Variants in GPC6 observed in about 807,000 individuals in gnomAD.
GPC6 encodes glypican-6.
In GPC6, 14 loss-of-function variants were observed where a neutral mutation model predicts 55.2. The ratio of observed to expected loss-of-function variants is 0.25; its 90% confidence interval spans 0.17 to 0.40. The LOEUF is 0.40. Ranked by LOEUF, GPC6 falls within the 10% of genes least tolerant of loss-of-function variation. The pLI, the probability that GPC6 is intolerant of heterozygous loss-of-function variation, is 1.00. For missense variants in GPC6, 641 were observed against 708.5 expected, an observed-to-expected ratio of 0.90 and a Z score of 1.08; for synonymous variants, 278 against 259.6, an observed-to-expected ratio of 1.07 and a Z score of -0.68.
At chr13:93,544,435 G>T (rs1305764959) in intron 1 of GPC6, among the ~76,000 whole-genome samples, 2 of 152,112 alleles carry the variant, frequency 1.3e-5, no homozygotes, top group Non-Finnish European at 2.9e-5. Context: ...GCAAGACATT[G>T]GGTGGATTTC....
intron 2 of GPC6, among the ~76,000 whole-genome samples, chr13:93,658,586 T>A (rs536167510): frequency 3.9e-4 from 59 of 151,898 alleles, no homozygotes; most frequent in South Asian, 2.3e-3. Context: ...TTATTTTTTT[T>A]ATTTTTTACC....
intron 2 of GPC6, among the ~76,000 whole-genome samples, chr13:93,636,804 G>A (rs1879721342): frequency 6.6e-6 from 1 of 151,978 alleles, no homozygotes; most frequent in Non-Finnish European, 1.5e-5. Flanking sequence ...TAAGTCCCTG[G>A]GATTTTAGGG....
At chr13:94,061,612 C>T (rs1477499234) in intron 4 of GPC6, among the ~76,000 whole-genome samples, 4 of 151,724 alleles carry the variant, frequency 2.6e-5, no homozygotes, top group Non-Finnish European at 5.9e-5. Flanking sequence ...GGCTGAAATT[C>T]CTCACCGAGA....
At chr13:93,722,971 G>C (rs1488356891) in intron 2 of GPC6, among the ~76,000 whole-genome samples, 3 of 152,004 alleles carry the variant, frequency 2.0e-5, no homozygotes, top group Non-Finnish European at 2.9e-5. Context: ...TAACTTGACT[G>C]TGTCTGTGAA....
intron 1 of GPC6, among the ~76,000 whole-genome samples, chr13:93,268,913 C>G (rs1297531376): frequency 1.3e-5 from 2 of 152,114 alleles, no homozygotes; most frequent in Non-Finnish European, 2.9e-5. Context: ...GAATTTAGCT[C>G]AAGCCTCCTG....
chr13:94,075,208 G>A (rs2138788046), intron 4 of GPC6, among the ~76,000 whole-genome samples: 1 of 152,248 alleles, frequency 6.6e-6, no homozygotes, highest in East Asian at 1.9e-4. Flanking sequence ...TCAAACTTTA[G>A]CATGGTGTGT....
intron 1 of GPC6, among the ~76,000 whole-genome samples, chr13:93,447,367 T>C (rs1390430547): frequency 6.6e-6 from 1 of 152,192 alleles, no homozygotes; most frequent in Admixed American, 6.5e-5. Context: ...ACCTTTTTTT[T>C]CTGATTTTGC....
At chr13:93,579,291 GATATGCCAATTATCCTA>G (rs553534153) in intron 2 of GPC6, among the ~76,000 whole-genome samples, 13 of 152,050 alleles carry the variant, frequency 8.5e-5, no homozygotes, top group African/African-American at 2.7e-4. Flanking sequence ...GAAGGTGATG[GATATGCCAATTATCCTA>G]ATTTGATTCT....
In GPC6 at chr13:94,398,462, G is replaced by T; in HGVS notation, c.1290-4G>T. The T allele has an allele frequency of 6.2e-7, 1 of 1,610,240 alleles. No homozygotes were observed. Among genetic ancestry groups the T allele is most frequent in the Non-Finnish European group, 8.5e-7 (1 of 1,176,620 alleles). Reference sequence around the variant, plus strand: ...GAGGTGTTCTCTCACTCTCTGCCTTGCAGATACTTGCCTGAGATCATGAAT... The same window carrying T: ...GAGGTGTTCTCTCACTCTCTGCCTTTCAGATACTTGCCTGAGATCATGAAT... On this transcript the variant is annotated splice_region_variant and splice_polypyrimidine_tract_variant and intron_variant, in intron 7 of 8. Transcript: ENST00000377047.
intron 2 of GPC6, among the ~76,000 whole-genome samples, chr13:93,810,961 T>C (rs1177529168): frequency 6.6e-6 from 1 of 152,222 alleles, no homozygotes; most frequent in Non-Finnish European, 1.5e-5. Flanking sequence ...TTCAAACCAT[T>C]TCAGAAGAAA....
intron 1 of GPC6, among the ~76,000 whole-genome samples, chr13:93,540,003 T>C (rs1882224419): frequency 1.3e-5 from 2 of 152,252 alleles, no homozygotes; most frequent in South Asian, 4.2e-4. Context: ...TTGGTACTTT[T>C]TGAATGGCAC....
intron 2 of GPC6, among the ~76,000 whole-genome samples, chr13:93,683,266 C>T (rs1352424513): frequency 9.0e-6 from 1 of 111,136 alleles, no homozygotes; most frequent in East Asian, 2.0e-4. Context: ...ATACTCAATA[C>T]AATATCTTTT....
intron 1 of GPC6, among the ~76,000 whole-genome samples, chr13:93,246,357 C>G (rs1464134867): frequency 6.6e-6 from 1 of 152,096 alleles, no homozygotes; most frequent in Non-Finnish European, 1.5e-5. Context: ...GCCCCCAGGA[C>G]AGCTGAGATT....
intron 8 of GPC6, among the ~76,000 whole-genome samples, chr13:94,400,843 A>T (rs913049912): frequency 2.6e-5 from 4 of 152,218 alleles, no homozygotes; most frequent in Admixed American, 1.3e-4. Flanking sequence ...CAGTTTCCTG[A>T]GCCCTTCCAG....
chr13:94,391,593 A>G (rs1032708103), intron 7 of GPC6, among the ~76,000 whole-genome samples: 6 of 152,244 alleles, frequency 3.9e-5, no homozygotes, highest in African/African-American at 1.4e-4. Flanking sequence ...ATTCTTATCA[A>G]GAACTTTAGT....
At chr13:94,119,358 A>G (rs1184821471) in intron 4 of GPC6, among the ~76,000 whole-genome samples, 1 of 151,616 alleles carries the variant, frequency 6.6e-6, no homozygotes, top group Non-Finnish European at 1.5e-5. Flanking sequence ...GAGCCAAAGG[A>G]GGGGTAGGGG....
chr13:93,684,407 C>T (rs192547050), intron 2 of GPC6, among the ~76,000 whole-genome samples: 22 of 152,172 alleles, frequency 1.4e-4, no homozygotes, highest in Admixed American at 1.4e-3. Context: ...AGGCTGGCCT[C>T]GAACTCCTGG....
chr13:93,224,204 T>A (rs1031118739), upstream of GPC6, among the ~76,000 whole-genome samples: 39 of 146,772 alleles, frequency 2.7e-4, no homozygotes, highest in African/African-American at 9.6e-4. Flanking sequence ...GGCCTTTTTT[T>A]TTTTTTTGAG....
At chr13:93,477,609 T>G (rs1327339413) in intron 1 of GPC6, among the ~76,000 whole-genome samples, 1 of 152,162 alleles carries the variant, frequency 6.6e-6, no homozygotes, top group Non-Finnish European at 1.5e-5. Context: ...AAATAAATAG[T>G]TTATTTTCTT....
Sources: gnomAD v4.1 joint callset for allele counts (sites outside exome capture counted in the v4.1 genomes callset) on GRCh38, gnomAD v4.1.1 for gene constraint, MANE v1.5 for transcripts, NCBI Gene and HGNC (gene_info 2026-07-23, HGNC 2026-07-21) for gene names.